Variants in SOX30 observed in about 807,000 individuals in gnomAD.
The protein encoded by SOX30 is SRY-box transcription factor 30.
Under a neutral mutation model 58.6 loss-of-function variants are expected in SOX30, and 17 were observed. That is an observed-to-expected ratio of 0.29 (90% CI 0.20 to 0.44). The LOEUF is 0.44. Among genes scored for constraint, SOX30 ranks in the 20% least tolerant of loss-of-function variants. The probability of loss-of-function intolerance (pLI) is 1.00; values close to 1 mark genes in which losing one functional copy is unlikely to be tolerated. For synonymous variants in SOX30, 421 were observed against 400.2 expected (o/e 1.05, Z -0.62); for missense variants, 951 against 965.8 (o/e 0.98, Z 0.20).
Position 157,646,861 on chromosome 5 carries a change from C to G in SOX30, c.1208-45G>C, listed in dbSNP as rs751349588. On this transcript the variant is annotated intron_variant, in intron 2 of 4. Coordinates refer to ENST00000265007, the MANE Select transcript of SOX30 (RefSeq NM_178424.2). ...TTTAAATGTGTAGACTCCATTTAGC[C>G]TTTAAATAATTTTTTTCATACTAAA... 2.8e-6 allele frequency: 4 copies of G among 1,417,390 alleles called. No individual in the cohort carries two copies. The East Asian group carries it at 6.9e-5, about 24-fold the overall frequency. The allele number at this position is 1,417,390 out of a possible 1,614,324, so 87.8% of individuals were successfully genotyped here. A position where few individuals can be genotyped will look rare whatever the true frequency, so the allele number is the denominator to read the frequency against.
chr5:157,641,752 T>C (rs73306863), intron 3 of SOX30, among the ~76,000 whole-genome samples: 1,557 of 152,322 alleles, frequency 0.01, 33 homozygotes, highest in African/African-American at 0.036. Context: ...TTATATGTTG[T>C]TCCTAGCAGA....
intron 4 of SOX30, among the ~76,000 whole-genome samples, chr5:157,634,212 G>GAAACAC (rs1168556333): frequency 2.6e-5 from 4 of 152,140 alleles, no homozygotes; most frequent in Non-Finnish European, 5.9e-5. Flanking sequence ...GTAGCGAAAA[G>GAAACAC]AAACACTTTT....
intron 3 of SOX30, among the ~76,000 whole-genome samples, chr5:157,642,668 A>C (rs1279458111): frequency 3.3e-5 from 5 of 152,262 alleles, no homozygotes; most frequent in East Asian, 3.9e-4. Context: ...AATAACAAAA[A>C]TAACAACAAC....
rs200237987 is a variant in SOX30 at position 157,666,857 on chromosome 5, C to T, written c.52+941G>A. On this transcript the variant is annotated intron_variant, in intron 2 of 5. Coordinates refer to the SOX30 transcript ENST00000519442. ...AATAGTTGGGATTACAGGCATGCACCACTACACCTGGCTAATTTTTGTGTT... is the reference window on the plus strand; with the variant it reads ...AATAGTTGGGATTACAGGCATGCACTACTACACCTGGCTAATTTTTGTGTT... Among the ~76,000 whole-genome samples, 3 of 152,086 alleles carry T rather than the reference C, an allele frequency of 2.0e-5. No individual in the cohort carries two copies. The East Asian group carries it at 5.8e-4, about 29-fold the overall frequency.
chr5:157,645,846 C>A (rs1360347566), intron 3 of SOX30, among the ~76,000 whole-genome samples: 1 of 152,022 alleles, frequency 6.6e-6, no homozygotes, highest in African/African-American at 2.4e-5. Flanking sequence ...CATGGAGAAA[C>A]CCCATCTCTA....
At chr5:157,661,612 T>G (rs1444610317) in intron 2 of SOX30, among the ~76,000 whole-genome samples, 1 of 152,226 alleles carries the variant, frequency 6.6e-6, no homozygotes, top group Admixed American at 6.5e-5. Flanking sequence ...AGGGCTATAG[T>G]TTGCTTTTGG....
intron 3 of SOX30, among the ~76,000 whole-genome samples, chr5:157,639,304 T>C (rs1478448568): frequency 2.0e-5 from 3 of 152,134 alleles, no homozygotes; most frequent in African/African-American, 2.4e-5. Context: ...ATCTTATTTT[T>C]AATATTACTA....
chr5:157,666,137 T>C (rs557923896), intron 2 of SOX30, among the ~76,000 whole-genome samples: 2 of 151,676 alleles, frequency 1.3e-5, no homozygotes, highest in South Asian at 4.2e-4. Context: ...TGGCCAAAGG[T>C]TTTTGTTTTT....
intron 4 of SOX30, among the ~76,000 whole-genome samples, chr5:157,631,290 C>G (rs1213696343): frequency 6.6e-6 from 1 of 151,702 alleles, no homozygotes; most frequent in Non-Finnish European, 1.5e-5. Flanking sequence ...ATAGTTTTCA[C>G]CACTTACACT....
Position 157,651,276 on chromosome 5 carries a change from G to C in SOX30, c.803C>G (p.Pro268Arg). The change falls in exon 1 of 5, where the codon CCC becomes CGC. Residue 268 changes from proline to arginine, a missense_variant. Physicochemically the swap from Pro to Arg is moderately radical, Grantham distance 103 (BLOSUM62 -2). This residue lies in a region of SOX30 where 84 missense variants were observed against 68.2 expected (regional missense o/e 1.23). Coordinates refer to ENST00000265007, the MANE Select transcript of SOX30 (RefSeq NM_178424.2). Reference protein sequence around the residue: ...LRIPLTLHTVPPGARIQFQGA... With the variant: ...LRIPLTLHTVRPGARIQFQGA... Reference sequence around the variant, plus strand: ...CTGAAACTGGATCCGGGCCCCAGGGGGGACCGTGTGGAGCGTCAAAGGGAT... The same window carrying C: ...CTGAAACTGGATCCGGGCCCCAGGGCGGACCGTGTGGAGCGTCAAAGGGAT... 6.2e-7 allele frequency: 1 copy of C among 1,614,134 alleles called. No homozygotes were observed. The highest frequency in any genetic ancestry group is 8.5e-7 in the Non-Finnish European group (1 of 1,180,042).
chr5:157,629,528 GATCA>G (rs1168647892), intron 4 of SOX30, among the ~76,000 whole-genome samples: 4 of 152,224 alleles, frequency 2.6e-5, no homozygotes, highest in African/African-American at 9.6e-5. Context: ...AGAACAAAAA[GATCA>G]ATTAAGACAA....
At chr5:157,667,600 GGCA>G (rs374177508) in intron 2 of SOX30, among the ~76,000 whole-genome samples, 95 of 152,246 alleles carry the variant, frequency 6.2e-4, no homozygotes, top group Middle Eastern at 6.8e-3. Flanking sequence ...CGGATGTGGT[GGCA>G]GGCCCCTGTA....
chr5:157,655,379 C>CT (rs1441642795), upstream of SOX30, among the ~76,000 whole-genome samples: 3 of 152,228 alleles, frequency 2.0e-5, no homozygotes, highest in African/African-American at 7.2e-5. Context: ...AGAAGCCCAA[C>CT]TTAGGAGGGT....
chr5:157,652,629 C>T (rs116922845), upstream of SOX30, among the ~76,000 whole-genome samples: 1,151 of 152,328 alleles, frequency 7.6e-3, 34 homozygotes, highest in East Asian at 0.099. Context: ...TTATCAATAA[C>T]CTATTAGCTA....
At position 157,631,021 on chromosome 5, in the gene SOX30, T is replaced by TTATATATATATACAATATATATATTG. The variant is rs1561578428; in HGVS notation, c.1881-4301_1881-4300insCAATATATATATTGTATATATATATA. 1.3e-3 allele frequency among the ~76,000 whole-genome samples: 145 copies of TTATATATATATACAATATATATATTG among 114,006 alleles called. 1 individual carries two copies. Among genetic ancestry groups the TTATATATATATACAATATATATATTG allele is most frequent in the African/African-American group, 4.4e-3 (134 of 30,518 alleles). The allele number at this position is 114,006 out of a possible 152,430, so 74.8% of individuals were successfully genotyped here. On this transcript the variant is annotated intron_variant, in intron 4 of 4. Transcript: ENST00000265007. ...ATTTTTTATATATATACTATATATTTTATATATATATACAATATATATATT... is the reference window on the plus strand; with the variant it reads ...ATTTTTTATATATATACTATATATTTTATATATATATACAATATATATATTGTATATATATATACAATATATATATT...
intron 2 of SOX30, among the ~76,000 whole-genome samples, chr5:157,663,639 A>G (rs1289565728): frequency 5.3e-5 from 8 of 152,316 alleles, no homozygotes; most frequent in Non-Finnish European, 7.3e-5. Context: ...AGGGTATTCA[A>G]TTAGGAAAAG....
At position 157,637,065 on chromosome 5, in the gene SOX30, G is replaced by A. The variant is rs191718626; in HGVS notation, c.1880+1165C>T. 5.4e-4 allele frequency among the ~76,000 whole-genome samples: 82 copies of A among 151,034 alleles called. No individual in the cohort carries two copies. In the East Asian group the frequency reaches 8.2e-3, roughly 15 times the overall value. On this transcript the variant is annotated intron_variant, in intron 4 of 4. Coordinates refer to ENST00000265007, the MANE Select transcript of SOX30 (RefSeq NM_178424.2). The stretch of plus-strand genomic sequence containing the variant: ...GGAGAATCGCTTGAACCCGGGAGGC[G>A]GAGGCTGTGGTGAGCCAAGATCGCG...
At position 157,626,515 on chromosome 5, in the gene SOX30, T is replaced by C. The variant is rs968814244; in HGVS notation, c.2087A>G (p.Tyr696Cys). ...RSCENMNGTS[Y>C]YNSHSHSGEE... ...CCCACTGTGGCTATGACTGTTATAG[T>C]AAGAAGTTCCATTCATGTTCTCACA... Residue 696 changes from tyrosine to cysteine, a missense_variant, in exon 5 of 5, where the codon TAC becomes TGC. Physicochemically the swap from Tyr to Cys is radical, Grantham distance 194. This residue lies in a region of SOX30 where 381 missense variants were observed against 390.0 expected (regional missense o/e 0.98). Transcript: ENST00000265007. The C allele has an allele frequency of 5.0e-6, 8 of 1,614,074 alleles. No homozygotes were observed. Among genetic ancestry groups the C allele is most frequent in the Non-Finnish European group, 5.9e-6 (7 of 1,180,038 alleles).
At chr5:157,640,130 A>C (rs1759027677) in intron 3 of SOX30, among the ~76,000 whole-genome samples, 2 of 152,172 alleles carry the variant, frequency 1.3e-5, no homozygotes, top group Non-Finnish European at 2.9e-5. Flanking sequence ...AAACCTTGTA[A>C]ACCTATCACC....
Sources: gnomAD v4.1 joint callset for allele counts (sites outside exome capture counted in the v4.1 genomes callset) on GRCh38, gnomAD v4.1.1 for gene constraint, gnomAD v4.1.1 regional missense constraint, MANE v1.5 for transcripts, NCBI Gene and HGNC (gene_info 2026-07-23, HGNC 2026-07-21) for gene names.